Variants in DMD observed in about 807,000 individuals in gnomAD.
DMD encodes the protein dystrophin.
A neutral mutation model predicts 330.1 loss-of-function variants in DMD; 63 were observed. The observed-to-expected ratio is 0.19, with a 90% confidence interval of 0.16 to 0.24. DMD has a LOEUF of 0.24. DMD is among the 10% of genes least tolerant of loss of function. The pLI is 1.00. For synonymous variants in DMD, 1,223 were observed against 959.8 expected (o/e 1.27, Z -5.07); for missense variants, 3,344 against 2,684.1 (o/e 1.25, Z -5.43).
At chrX:32,511,536 A>G (rs2045332085) in intron 18 of DMD, among the ~76,000 whole-genome samples, 1 of 107,535 alleles carries the variant, frequency 9.3e-6, no homozygotes, top group Non-Finnish European at 1.9e-5. Context: ...AAAAAAAAAA[A>G]AAAAAAAAAA....
intron 47 of DMD, among the ~76,000 whole-genome samples, chrX:31,902,862 G>A (rs990215674): frequency 3.6e-5 from 4 of 111,094 alleles, no homozygotes; most frequent in African/African-American, 1.3e-4. Context: ...TCATTGAATC[G>A]TGGTTGGCTA....
chrX:33,077,329 C>T (rs1326094444), intron 1 of DMD, among the ~76,000 whole-genome samples: 1 of 111,505 alleles, frequency 9.0e-6, no homozygotes, highest in Non-Finnish European at 1.9e-5. Context: ...CAGGAATGAA[C>T]GAAGACAGCT....
At chrX:31,222,292 G>A (rs2046156628) in intron 64 of DMD, among the ~76,000 whole-genome samples, 2 of 103,162 alleles carry the variant, frequency 1.9e-5, no homozygotes, top group Admixed American at 2.2e-4. Flanking sequence ...GGAGGCTGAC[G>A]CAGGAGAATC....
At chrX:31,301,233 T>C (rs1038212850) in intron 62 of DMD, among the ~76,000 whole-genome samples, 5 of 111,565 alleles carry the variant, frequency 4.5e-5, no homozygotes, top group Admixed American at 9.5e-5. Flanking sequence ...GTGTTGCTGA[T>C]TGGGGAAGGG....
At chrX:31,908,288 C>T (rs186213283) in intron 47 of DMD, among the ~76,000 whole-genome samples, 4,810 of 111,697 alleles carry the variant, frequency 0.043, 93 homozygotes, top group Non-Finnish European at 0.048. Context: ...CGGCACTATT[C>T]ACAATAGCAA....
intron 2 of DMD, among the ~76,000 whole-genome samples, chrX:32,917,858 A>T (rs1214107876): frequency 9.0e-6 from 1 of 110,926 alleles, no homozygotes; most frequent in Non-Finnish European, 1.9e-5. Context: ...TCATGCCAGG[A>T]TTTGCTCTGC....
In DMD at chrX:32,558,684, C is replaced by G. The variant is rs767599208; in HGVS notation, c.1992+7018G>C. On this transcript the variant is annotated intron_variant, in intron 16 of 78. Coordinates refer to ENST00000357033, the MANE Select transcript of DMD (RefSeq NM_004006.3). Reference sequence around the variant, plus strand: ...TCAAAGACATTTAGAACTCGATGGCCACTATAGAAATCTGCCTAGCTTACC... The same window carrying G: ...TCAAAGACATTTAGAACTCGATGGCGACTATAGAAATCTGCCTAGCTTACC... Among the ~76,000 whole-genome samples, 25 of 111,062 alleles carry G rather than the reference C, an allele frequency of 2.3e-4. No homozygotes were observed. In the East Asian group the frequency reaches 7.1e-3, roughly 31 times the overall value.
At chrX:32,468,741 C>T (rs774363006) in intron 22 of DMD, 31 bp from the exon 23 acceptor site, 2 of 1,092,441 alleles carry the variant, frequency 1.8e-6, no homozygotes, top group East Asian at 6.1e-5. Context: ...TACATTTACC[C>T]TAATTGATGA....
At chrX:32,721,228 G>C (rs779425333) in intron 7 of DMD, among the ~76,000 whole-genome samples, 15 of 110,540 alleles carry the variant, frequency 1.4e-4, no homozygotes, top group Non-Finnish European at 2.5e-4. Context: ...CCCAGGAGTG[G>C]GATTGTTGGG....
At chrX:32,619,240 T>C (rs772796114) in intron 11 of DMD, among the ~76,000 whole-genome samples, 2 of 111,671 alleles carry the variant, frequency 1.8e-5, no homozygotes, top group African/African-American at 3.2e-5. Flanking sequence ...ATTTCACTTA[T>C]ATGTGGAATC....
At chrX:32,567,515 C>T (rs2051870108) in intron 15 of DMD, among the ~76,000 whole-genome samples, 1 of 111,328 alleles carries the variant, frequency 9.0e-6, no homozygotes, top group African/African-American at 3.3e-5. Flanking sequence ...CTCCTGTCAG[C>T]CTCACGAGTA....
chrX:32,891,224 T>A (rs16990744), intron 2 of DMD, among the ~76,000 whole-genome samples: 34,169 of 110,701 alleles, frequency 0.31, 4,200 homozygotes, highest in African/African-American at 0.45. Flanking sequence ...TTGCGAACAT[T>A]TATTCCTGCT....
At chrX:32,745,644 G>A (rs4829124) in intron 7 of DMD, among the ~76,000 whole-genome samples, 19,140 of 111,582 alleles carry the variant, frequency 0.17, 2,089 homozygotes, top group African/African-American at 0.39. Context: ...AATAAAAAGC[G>A]AGTGAATATA....
intron 1 of DMD, among the ~76,000 whole-genome samples, chrX:33,248,911 G>A (rs954325107): frequency 8.9e-6 from 1 of 112,009 alleles, no homozygotes; most frequent in East Asian, 2.8e-4. Context: ...ATTATTTTTG[G>A]TATATAGTAT....
intron 7 of DMD, among the ~76,000 whole-genome samples, chrX:32,773,813 T>A (rs1453583469): frequency 1.8e-5 from 2 of 111,851 alleles, no homozygotes; most frequent in Admixed American, 1.9e-4. Flanking sequence ...GAACATGTTT[T>A]TTAAAATCTA....
At chrX:32,805,236 T>A (rs2148718168) in intron 7 of DMD, among the ~76,000 whole-genome samples, 1 of 111,897 alleles carries the variant, frequency 8.9e-6, no homozygotes, top group Admixed American at 9.5e-5. Context: ...GAGGAGTTGC[T>A]AACTACAATA....
intron 1 of DMD, among the ~76,000 whole-genome samples, chrX:33,287,898 G>T (rs1400495344): frequency 9.0e-6 from 1 of 111,250 alleles, no homozygotes; most frequent in African/African-American, 3.3e-5. Context: ...CATCTGCAAA[G>T]CCTGTCAGTG....
intron 61 of DMD, among the ~76,000 whole-genome samples, chrX:31,330,514 A>G (rs917531742): frequency 9.0e-6 from 1 of 111,682 alleles, no homozygotes; most frequent in Non-Finnish European, 1.9e-5. Flanking sequence ...GAGGGGAAGC[A>G]AGCATTTGAG....
intron 44 of DMD, among the ~76,000 whole-genome samples, chrX:32,176,198 C>CT (rs1156272979): frequency 1.8e-5 from 2 of 111,991 alleles, no homozygotes; most frequent in African/African-American, 6.5e-5. Context: ...AGATTTTTCT[C>CT]TTTTTTATTA....
Sources: allele counts gnomAD v4.1 joint callset (sites outside exome capture counted in the v4.1 genomes callset), GRCh38; gene constraint gnomAD v4.1.1; transcripts MANE v1.5; gene names NCBI Gene and HGNC (gene_info 2026-07-23, HGNC 2026-07-21).